Variants in RPGRIP1 observed in about 807,000 individuals in gnomAD.
The protein encoded by RPGRIP1 is X-linked retinitis pigmentosa GTPase regulator-interacting protein 1.
In RPGRIP1, 128 loss-of-function variants were observed where a neutral mutation model predicts 157.9. The observed-to-expected ratio is 0.81, with a 90% CI of 0.70 to 0.94. RPGRIP1 has a LOEUF of 0.94. Ranked by LOEUF, RPGRIP1 falls within the 40% of genes least tolerant of loss-of-function variation. The probability of loss-of-function intolerance (pLI) is 0.00; values close to 1 mark genes in which losing one functional copy is unlikely to be tolerated. For synonymous variants in RPGRIP1, 554 were observed against 571.6 expected (o/e 0.97, Z 0.44); for missense variants, 1,486 against 1,545.8 (o/e 0.96, Z 0.65).
rs138490398 is a variant in RPGRIP1, at chr14:21,294,544, A to G, written c.86-133A>G. On this transcript the variant is annotated intron_variant, in intron 2 of 24. Coordinates refer to ENST00000400017, the MANE Select transcript of RPGRIP1 (RefSeq NM_020366.4). ...CGCCTGGCCCAGAGTCATTTCTCATACTTCCTGATTTCCTCATAAATACTT... is the reference window on the plus strand; with the variant it reads ...CGCCTGGCCCAGAGTCATTTCTCATGCTTCCTGATTTCCTCATAAATACTT... 1,683 of 895,616 alleles carry G rather than the reference A, an allele frequency of 1.9e-3. 3 individuals carry two copies. The highest frequency in any genetic ancestry group is 3.9e-3 in the Admixed American group (142 of 36,386). The allele number at this position is 895,616 out of a possible 1,614,324, so 55.5% of individuals were successfully genotyped here. A position where few individuals can be genotyped will look rare whatever the true frequency, so the allele number is the denominator to read the frequency against.
intron 3 of RPGRIP1, among the ~76,000 whole-genome samples, chr14:21,300,563 G>A (rs1191831356): frequency 2.6e-5 from 4 of 151,848 alleles, no homozygotes; most frequent in Non-Finnish European, 5.9e-5. Context: ...GATAGAAAAA[G>A]CAAATATTAA....
chr14:21,287,911 A>G, intron 1 of RPGRIP1, 28 bp from the exon 2 acceptor site: 1 of 1,059,700 alleles, frequency 9.4e-7, no homozygotes, highest in East Asian at 2.4e-5. Context: ...AGTTGCATGT[A>G]ACTGACTGGA....
intron 3 of RPGRIP1, 100 bp downstream of exon 3, chr14:21,294,909 A>G (rs919462616): frequency 9.7e-7 from 1 of 1,031,500 alleles, no homozygotes; most frequent in African/African-American, 1.9e-5. Flanking sequence ...CAGTGGCATG[A>G]TCTTGGCTCA....
chr14:21,334,759 GTGGCCAGTCA>G, intron 21 of RPGRIP1, 54 bp downstream of exon 21: 2 of 1,231,764 alleles, frequency 1.6e-6, no homozygotes, highest in Non-Finnish European at 2.3e-6. Flanking sequence ...AATAATGACA[GTGGCCAGTCA>G]TGGGGGCTCA....
Position 21,320,188 on chromosome 14 carries a change from C to T in RPGRIP1, c.1467+11C>T, listed in dbSNP as rs2139200681. ...AACACTCAGATCGAGGTAAGAGCCT[C>T]TTTAAACAAACTAGTCCACTCTGCA... is the stretch of plus-strand genomic sequence containing the variant. On this transcript the variant is annotated intron_variant, in intron 12 of 24. Transcript: ENST00000400017. 1 of 1,612,138 alleles carries T rather than the reference C, an allele frequency of 6.2e-7. No homozygotes were observed. Among genetic ancestry groups the T allele is most frequent in the Admixed American group, 1.7e-5 (1 of 59,696 alleles).
intron 12 of RPGRIP1, among the ~76,000 whole-genome samples, chr14:21,321,039 A>C (rs1162637765): frequency 6.6e-6 from 1 of 152,230 alleles, no homozygotes; most frequent in African/African-American, 2.4e-5. Flanking sequence ...GTGGAAGAGC[A>C]AACAGCCATT....
rs1233085262 is a variant in RPGRIP1 at position 21,328,444 on chromosome 14, G to T, written c.2916G>T (p.Glu972Asp). Residue 972 changes from glutamate to aspartate, a missense_variant, in exon 19 of 25, where the codon GAG becomes GAT. Glu to Asp is a conservative substitution (Grantham distance 45, BLOSUM62 2). Transcript: ENST00000400017. Reference sequence around the variant, plus strand: ...TTCAGGATCAGATGGCATCTCCTGAGGTTCCCATTGAAGCTGGCCAGTATC... The same window carrying T: ...TTCAGGATCAGATGGCATCTCCTGATGTTCCCATTGAAGCTGGCCAGTATC... ...FPSQDQMASP[E>D]VPIEAGQYRS... 6.2e-7 allele frequency: 1 copy of T among 1,612,984 alleles called. No individual in the cohort carries two copies. The highest frequency in any genetic ancestry group is 1.7e-5 in the Admixed American group (1 of 59,794).
intron 22 of RPGRIP1, 127 bp from the exon 23 acceptor site, chr14:21,344,986 A>T (rs1885417651): frequency 3.0e-6 from 2 of 672,426 alleles, no homozygotes; most frequent in Non-Finnish European, 5.4e-6. Context: ...GGTCCATGTT[A>T]TTCTAGATCC....
Position 21,343,172 on chromosome 14 carries a change from C to T in RPGRIP1, c.3476C>T (p.Pro1159Leu), listed in dbSNP as rs1380219519. ...CTACCCTTGTCGGAGACAGAGACTC[C>T]AGTGTCCCTAAGGAAGCCTAGGGCA... Reference protein sequence around the residue: ...YDLPLSETETPVSLRKPRAGE... With the variant: ...YDLPLSETETLVSLRKPRAGE... Residue 1159 changes from proline (P) to leucine (L), a missense_variant, in exon 22 of 25, where the codon CCA becomes CTA. By Grantham distance (98) the Pro-to-Leu change is moderately conservative. Coordinates refer to ENST00000400017, the MANE Select transcript of RPGRIP1 (RefSeq NM_020366.4). 6.2e-7 allele frequency: 1 copy of T among 1,613,630 alleles called. No homozygotes were observed.
intron 23 of RPGRIP1, 45 bp from the exon 24 acceptor site, chr14:21,348,127 A>G: frequency 7.0e-7 from 1 of 1,437,248 alleles, no homozygotes; most frequent in Non-Finnish European, 9.4e-7. Context: ...TTTTTGAAGC[A>G]TTAAGAGTAT....
intron 21 of RPGRIP1, among the ~76,000 whole-genome samples, chr14:21,335,111 G>C (rs8005343): frequency 0.042 from 6,346 of 150,964 alleles, 461 homozygotes; most frequent in African/African-American, 0.15. Context: ...ACAAGTGAAG[G>C]GCAATCCAGT....
In RPGRIP1 at chr14:21,312,484, A is replaced by C; in HGVS notation, c.1129A>C (p.Asn377His). 2 of 1,611,388 alleles carry C rather than the reference A, an allele frequency of 1.2e-6. No homozygotes were observed. Among genetic ancestry groups the C allele is most frequent in the Admixed American group, 3.3e-5 (2 of 59,776 alleles). ...AAAAGAACGAAAATTGCTGAATGAC[A>C]ATTATGACAAACTCTTAGAAAGGTG... ...LEKERKLLNDNYDKLLESMLD... is the reference protein window; with the variant it reads ...LEKERKLLNDHYDKLLESMLD... The change falls in exon 10 of 25, where the codon AAT becomes CAT. Residue 377 changes from asparagine (N) to histidine (H), a missense_variant. Physicochemically the swap from Asn to His is moderately conservative, Grantham distance 68 (BLOSUM62 1). Coordinates refer to ENST00000400017, the MANE Select transcript of RPGRIP1 (RefSeq NM_020366.4).
At position 21,348,708 on chromosome 14, in the gene RPGRIP1, C is replaced by A. The variant is rs151015322; in HGVS notation, c.3748+406C>A. Among the ~76,000 whole-genome samples, 5 of 145,172 alleles carry A rather than the reference C, an allele frequency of 3.4e-5. No homozygotes were observed. In the South Asian group the frequency reaches 1.1e-3, roughly 32 times the overall value. On this transcript the variant is annotated intron_variant, in intron 24 of 24. Coordinates refer to ENST00000400017, the MANE Select transcript of RPGRIP1 (RefSeq NM_020366.4). ...TGAGATGGAGCCTCACTCTGTCGCC[C>A]AGGCTGGAGTGCAGTGGTGTGATCT...
Position 21,307,780 on chromosome 14 carries a change from C to T in RPGRIP1, c.850C>T (p.His284Tyr). Residue 284 changes from histidine to tyrosine, a missense_variant, in exon 7 of 25, where the codon CAT becomes TAT. Coordinates refer to ENST00000400017, the MANE Select transcript of RPGRIP1 (RefSeq NM_020366.4). ...VELIRLKKLL[H>Y]ERNASLVMTK... is the part of the protein sequence containing the mutation. ...GCTGATTCGACTTAAGAAGCTCTTA[C>T]ATGAAAGAAATGCTTCATTGGTTAT... 1 of 1,570,182 alleles carries T rather than the reference C, an allele frequency of 6.4e-7. No homozygotes were observed. Among genetic ancestry groups the T allele is most frequent in the South Asian group, 1.2e-5 (1 of 84,378 alleles).
chr14:21,346,087 A>G lies in RPGRIP1; in HGVS notation c.3617+890A>G, dbSNP rs150907032. On this transcript the variant is annotated intron_variant, in intron 23 of 24. Coordinates refer to ENST00000400017, the MANE Select transcript of RPGRIP1 (RefSeq NM_020366.4). ...CAGACTCCCAAAGTGTTGGGATTAC[A>G]GGCGTGAGTGACCACACCTGGTCAA... Among the ~76,000 whole-genome samples the G allele has an allele frequency of 3.1e-3, 475 of 152,312 alleles. 2 individuals carry two copies. The highest frequency in any genetic ancestry group is 4.8e-3 in the Admixed American group (73 of 15,296).
chr14:21,307,480 G>C (rs796652818), intron 6 of RPGRIP1, among the ~76,000 whole-genome samples: 6 of 152,328 alleles, frequency 3.9e-5, no homozygotes, highest in African/African-American at 1.4e-4. Context: ...TAAAAAAGTA[G>C]TTATTATCTT....
intron 6 of RPGRIP1, among the ~76,000 whole-genome samples, chr14:21,306,242 C>T (rs1881299941): frequency 6.9e-6 from 1 of 143,928 alleles, no homozygotes; most frequent in African/African-American, 2.6e-5. Flanking sequence ...AGCAAATTCT[C>T]CTGCCTCAGC....
intron 11 of RPGRIP1, chr14:21,318,217 C>T (rs1881983083): frequency 2.2e-6 from 1 of 447,718 alleles, no homozygotes; most frequent in Non-Finnish European, 4.4e-6. Context: ...AGCGATTCTC[C>T]TATCTCAGCC....
chr14:21,331,510 A>C (rs1883789830), intron 20 of RPGRIP1, among the ~76,000 whole-genome samples: 1 of 152,136 alleles, frequency 6.6e-6, no homozygotes, highest in South Asian at 2.1e-4. Flanking sequence ...CAACAGAGCA[A>C]GACTCCGTCT....
Sources: allele counts gnomAD v4.1 joint callset (sites outside exome capture counted in the v4.1 genomes callset), GRCh38; gene constraint gnomAD v4.1.1; transcripts MANE v1.5; gene names NCBI Gene and HGNC (gene_info 2026-07-23, HGNC 2026-07-21).